The following PDE4B variants were observed in gnomAD, a reference collection of about 807,000 sequenced individuals.
PDE4B encodes the protein 3',5'-cyclic-AMP phosphodiesterase 4B.
A neutral mutation model predicts 82.2 loss-of-function variants in PDE4B; 20 were observed. That is an observed-to-expected ratio of 0.24 (90% CI 0.17 to 0.35). The LOEUF is 0.35. Ranked by LOEUF, PDE4B falls within the 10% of genes least tolerant of loss-of-function variation. The probability of loss-of-function intolerance (pLI) is 1.00; values close to 1 mark genes in which losing one functional copy is unlikely to be tolerated. For synonymous variants in PDE4B, 320 were observed against 318.9 expected (o/e 1.00, Z -0.04); for missense variants, 655 against 907.2 (o/e 0.72, Z 3.57).
intron 3 of PDE4B, among the ~76,000 whole-genome samples, chr1:65,956,894 T>C (rs958150179): frequency 1.3e-5 from 2 of 152,146 alleles, no homozygotes; most frequent in African/African-American, 4.8e-5. Context: ...TAAAGGTTCC[T>C]ATTTATCTGT....
At chr1:66,202,914 C>T (rs1342089039) in intron 3 of PDE4B, among the ~76,000 whole-genome samples, 6 of 151,182 alleles carry the variant, frequency 4.0e-5, no homozygotes, top group African/African-American at 7.3e-5. Context: ...TTATTTTGCT[C>T]ATTAGTTGAT....
At chr1:66,277,097 A>G (rs1348187959) in intron 7 of PDE4B, among the ~76,000 whole-genome samples, 1 of 152,212 alleles carries the variant, frequency 6.6e-6, no homozygotes, top group Admixed American at 6.5e-5. Context: ...CTATAAATAA[A>G]TGACTTTAAA....
At chr1:65,971,806 C>T (rs1376760646) in intron 3 of PDE4B, among the ~76,000 whole-genome samples, 1 of 152,144 alleles carries the variant, frequency 6.6e-6, no homozygotes, top group Non-Finnish European at 1.5e-5. Context: ...GTAATCATCT[C>T]TAGAATGCTT....
At chr1:66,070,174 G>A (rs992793998) in intron 3 of PDE4B, among the ~76,000 whole-genome samples, 2 of 152,056 alleles carry the variant, frequency 1.3e-5, no homozygotes, top group African/African-American at 4.8e-5. Context: ...CATAGCCACA[G>A]GTGGTCAGCT....
chr1:66,372,313 G>A lies in PDE4B; in HGVS notation c.1846G>A (p.Val616Ile). Residue 616 changes from valine (V) to isoleucine (I), a missense_variant and splice_region_variant, in exon 17 of 17, where the codon GTT (valine) becomes ATT (isoleucine). This residue lies in a region of PDE4B where 283 missense variants were observed against 516.4 expected (regional missense o/e 0.55). Coordinates refer to ENST00000341517, the MANE Select transcript of PDE4B (RefSeq NM_002600.4). ...KHTASVEKSQ[V>I]GFIDYIVHPL... ...GATGTGTCATCTTATTTTTCTCCAGGTTGGTTTCATCGACTACATTGTCCA... is the reference window on the plus strand; with the variant it reads ...GATGTGTCATCTTATTTTTCTCCAGATTGGTTTCATCGACTACATTGTCCA... 1 of 1,597,698 alleles carries A rather than the reference G, an allele frequency of 6.3e-7. No individual in the cohort carries two copies. The highest frequency in any genetic ancestry group is 8.6e-7 in the Non-Finnish European group (1 of 1,168,984).
chr1:66,228,583 C>T (rs973308107), intron 3 of PDE4B, among the ~76,000 whole-genome samples: 3 of 150,652 alleles, frequency 2.0e-5, no homozygotes, highest in South Asian at 2.1e-4. Context: ...GAGCTGAGAT[C>T]GCGCCACTGC....
chr1:66,307,622 A>G (rs1340155523), intron 7 of PDE4B, among the ~76,000 whole-genome samples: 1 of 152,162 alleles, frequency 6.6e-6, no homozygotes, highest in African/African-American at 2.4e-5. Context: ...CAGTAGAGAG[A>G]TGTAAACCCA....
chr1:65,992,701 C>T (rs1450416078), intron 3 of PDE4B: 1 of 1,307,186 alleles, frequency 7.7e-7, no homozygotes, highest in Non-Finnish European at 9.7e-7. Flanking sequence ...GCAAAGCCAG[C>T]CTGATAAAGC....
intron 3 of PDE4B, among the ~76,000 whole-genome samples, chr1:66,006,930 AAT>A (rs1364442971): frequency 4.6e-5 from 7 of 152,076 alleles, no homozygotes; most frequent in South Asian, 2.1e-4. Flanking sequence ...GCAGTGTGAG[AAT>A]AGACTAATAC....
chr1:66,021,857 T>G (rs1259920817), intron 3 of PDE4B, among the ~76,000 whole-genome samples: 1 of 152,194 alleles, frequency 6.6e-6, no homozygotes, highest in Non-Finnish European at 1.5e-5. Context: ...AGAAAGTCAT[T>G]GGTAGCTTGA....
intron 1 of PDE4B, among the ~76,000 whole-genome samples, chr1:65,854,289 A>G (rs1199673416): frequency 6.6e-6 from 1 of 151,660 alleles, no homozygotes; most frequent in Admixed American, 6.6e-5. Context: ...AGAAATTAAA[A>G]ATTAGAAGCA....
At chr1:65,959,119 C>T (rs1352672569) in intron 3 of PDE4B, among the ~76,000 whole-genome samples, 1 of 152,192 alleles carries the variant, frequency 6.6e-6, no homozygotes, top group Non-Finnish European at 1.5e-5. Flanking sequence ...ACATCTCTTT[C>T]AAATGGATAA....
At chr1:66,043,670 T>G (rs1288585041) in intron 3 of PDE4B, among the ~76,000 whole-genome samples, 1 of 151,722 alleles carries the variant, frequency 6.6e-6, no homozygotes, top group Non-Finnish European at 1.5e-5. Context: ...TTATGCAAAC[T>G]AATTTCTAAT....
intron 7 of PDE4B, among the ~76,000 whole-genome samples, chr1:66,304,726 T>C (rs1279028268): frequency 6.6e-6 from 1 of 152,112 alleles, no homozygotes; most frequent in Non-Finnish European, 1.5e-5. Flanking sequence ...GTGAGGAGAA[T>C]GGGGAAAGCA....
At chr1:66,288,466 G>C (rs569986) in intron 7 of PDE4B, among the ~76,000 whole-genome samples, 62,264 of 151,924 alleles carry the variant, frequency 0.41, 15,202 homozygotes, top group Non-Finnish European at 0.55. Context: ...TATTTGTATA[G>C]TTCTTAGACT....
At chr1:65,880,062 G>T (rs970903473) in intron 1 of PDE4B, among the ~76,000 whole-genome samples, 2 of 152,204 alleles carry the variant, frequency 1.3e-5, no homozygotes, top group Non-Finnish European at 2.9e-5. Flanking sequence ...TGATGCTGAT[G>T]TGTCTGTGTC....
intron 3 of PDE4B, among the ~76,000 whole-genome samples, chr1:65,967,829 T>TC (rs1649920696): frequency 6.6e-6 from 1 of 151,852 alleles, no homozygotes; most frequent in Non-Finnish European, 1.5e-5. Context: ...TGAAAACACA[T>TC]GGACACAGGG....
At chr1:66,356,207 C>T (rs371632872) in intron 9 of PDE4B, among the ~76,000 whole-genome samples, 1 of 152,234 alleles carries the variant, frequency 6.6e-6, no homozygotes, top group South Asian at 2.1e-4. Context: ...CTTCTGCAAG[C>T]AGCCTCGTTC....
At chr1:65,800,535 A>T (rs899440479) in intron 1 of PDE4B, among the ~76,000 whole-genome samples, 10 of 152,224 alleles carry the variant, frequency 6.6e-5, no homozygotes, top group African/African-American at 2.4e-4. Context: ...GGTCAGTGAC[A>T]TCCTGTGTGT....
Sources: gnomAD v4.1 joint callset for allele counts (sites outside exome capture counted in the v4.1 genomes callset) on GRCh38, gnomAD v4.1.1 for gene constraint, gnomAD v4.1.1 regional missense constraint, MANE v1.5 for transcripts, NCBI Gene and HGNC (gene_info 2026-07-23, HGNC 2026-07-21) for gene names.